Variants in CAMK2D observed in about 807,000 individuals in gnomAD.
The protein encoded by CAMK2D is calcium/calmodulin-dependent protein kinase type II subunit delta.
Under a neutral mutation model 84.0 loss-of-function variants are expected in CAMK2D, and 37 were observed. That is an observed-to-expected ratio of 0.44 (90% CI 0.34 to 0.58). The LOEUF is 0.58. Among genes scored for constraint, CAMK2D ranks in the 20% least tolerant of loss-of-function variants. The pLI, the probability that CAMK2D is intolerant of heterozygous loss-of-function variation, is 0.02. For synonymous variants in CAMK2D, 202 were observed against 212.5 expected (o/e 0.95, Z 0.43); for missense variants, 448 against 652.5 (o/e 0.69, Z 3.41).
chr4:113,469,593 T>TCTTC (rs939053554), intron 16 of CAMK2D, among the ~76,000 whole-genome samples: 2 of 152,196 alleles, frequency 1.3e-5, no homozygotes, highest in African/African-American at 4.8e-5. Context: ...CTTTCTAGAC[T>TCTTC]CTTCCTTCAG....
intron 3 of CAMK2D, among the ~76,000 whole-genome samples, chr4:113,626,170 T>C (rs1202079738): frequency 6.6e-6 from 1 of 152,120 alleles, no homozygotes; most frequent in Middle Eastern, 3.2e-3. Flanking sequence ...TAATGAATGA[T>C]GTCAATGTCC....
intron 4 of CAMK2D, among the ~76,000 whole-genome samples, chr4:113,594,590 A>G (rs974441030): frequency 6.6e-6 from 1 of 152,250 alleles, no homozygotes; most frequent in African/African-American, 2.4e-5. Context: ...AGAATCCAAT[A>G]GAAATGCTAG....
intron 17 of CAMK2D, among the ~76,000 whole-genome samples, chr4:113,462,296 C>G (rs6533689): frequency 0.17 from 17,135 of 100,708 alleles, 1,485 homozygotes; most frequent in East Asian, 0.35. Context: ...GTGTGTGTGT[C>G]TGTCTGTCTG....
intron 2 of CAMK2D, among the ~76,000 whole-genome samples, chr4:113,720,691 C>T (rs1166070818): frequency 3.4e-5 from 5 of 147,072 alleles, no homozygotes; most frequent in East Asian, 1.9e-4. Flanking sequence ...ATAATTTTAA[C>T]AATAGAAATC....
chr4:113,606,061 A>G (rs1005391134), intron 4 of CAMK2D, among the ~76,000 whole-genome samples: 2 of 152,214 alleles, frequency 1.3e-5, no homozygotes, highest in African/African-American at 4.8e-5. Context: ...AATGCTTCAG[A>G]GAGCACTTAT....
intron 4 of CAMK2D, among the ~76,000 whole-genome samples, chr4:113,603,773 T>TATATATATATA (rs2098964722): frequency 1.6e-5 from 2 of 127,994 alleles, no homozygotes; most frequent in African/African-American, 6.5e-5. Context: ...TCTTGCTATT[T>TATATATATATA]TATATATATA....
chr4:113,706,295 A>C (rs2099455033), intron 2 of CAMK2D, among the ~76,000 whole-genome samples: 1 of 152,166 alleles, frequency 6.6e-6, no homozygotes, highest in African/African-American at 2.4e-5. Flanking sequence ...TCAAATTATA[A>C]ATCTATAAAT....
intron 2 of CAMK2D, among the ~76,000 whole-genome samples, chr4:113,699,706 T>C (rs2099412563): frequency 6.6e-6 from 1 of 152,232 alleles, no homozygotes; most frequent in South Asian, 2.1e-4. Flanking sequence ...ACATACATTT[T>C]GAATGTTGAG....
At position 113,567,040 on chromosome 4, in the gene CAMK2D, T is replaced by TA. The variant is rs142523805; in HGVS notation, c.276-14945dup. Among the ~76,000 whole-genome samples the TA allele has an allele frequency of 5.5e-3, 838 of 151,758 alleles. 27 individuals are homozygous for TA. The East Asian group carries it at 0.11, about 20-fold the overall frequency. On this transcript the variant is annotated intron_variant, in intron 4 of 20. Coordinates refer to ENST00000511664, the MANE Select transcript of CAMK2D (RefSeq NM_001321571.2). ...ATAAACGTCTACTGACTGAATTACTTAAAAAAAATCAGATGCACTAACACT... is the reference window on the plus strand; with the variant it reads ...ATAAACGTCTACTGACTGAATTACTTAAAAAAAAATCAGATGCACTAACACT...
chr4:113,667,614 T>C (rs1231515168), intron 2 of CAMK2D, among the ~76,000 whole-genome samples: 1 of 152,168 alleles, frequency 6.6e-6, no homozygotes, highest in Non-Finnish European at 1.5e-5. Context: ...GTAGGTCACA[T>C]TTAAGAACAG....
chr4:113,523,437 AC>A (rs1465731891), intron 8 of CAMK2D, among the ~76,000 whole-genome samples: 1 of 152,112 alleles, frequency 6.6e-6, no homozygotes, highest in Non-Finnish European at 1.5e-5. Context: ...AAATTTAAAC[AC>A]ATGACATTAA....
In CAMK2D at chr4:113,663,816, TATAGAG is replaced by T. The variant is rs559274258; in HGVS notation, c.161-2050_161-2045del. ...ACAGTAAGTTCTACAGAGTTTTTGC[TATAGAG>T]ATAAACATAACTATAAAAAAATTAT... On this transcript the variant is annotated intron_variant, in intron 2 of 20. Transcript: ENST00000511664. 5.7e-3 allele frequency among the ~76,000 whole-genome samples: 873 copies of T among 152,076 alleles called. 16 individuals carry two copies. Among genetic ancestry groups the T allele is most frequent in the African/African-American group, 0.02 (827 of 41,508 alleles).
intron 2 of CAMK2D, among the ~76,000 whole-genome samples, chr4:113,668,199 G>A (rs1202848935): frequency 6.6e-6 from 1 of 152,078 alleles, no homozygotes; most frequent in Non-Finnish European, 1.5e-5. Flanking sequence ...ATCTACGGAG[G>A]AAAATGGAAT....
chr4:113,668,186 T>G (rs1478685383), intron 2 of CAMK2D, among the ~76,000 whole-genome samples: 5 of 152,172 alleles, frequency 3.3e-5, no homozygotes, highest in Non-Finnish European at 1.5e-5. Context: ...ATTCTGCAGT[T>G]TCATCTACGG....
chr4:113,746,081 A>G (rs2099603495), intron 2 of CAMK2D, among the ~76,000 whole-genome samples: 1 of 152,186 alleles, frequency 6.6e-6, no homozygotes, highest in Admixed American at 6.5e-5. Context: ...TAATTTTCCA[A>G]AGACTCATTT....
chr4:113,617,206 G>A (rs896252094), intron 3 of CAMK2D, among the ~76,000 whole-genome samples: 4 of 152,054 alleles, frequency 2.6e-5, no homozygotes, highest in African/African-American at 9.7e-5. Flanking sequence ...GGTGACTTAC[G>A]CCTGTAATCC....
chr4:113,726,859 AT>A (rs935461478), intron 2 of CAMK2D, among the ~76,000 whole-genome samples: 1 of 152,024 alleles, frequency 6.6e-6, no homozygotes, highest in African/African-American at 2.4e-5. Context: ...TTGGAAAACA[AT>A]TTTTTTTGAA....
At chr4:113,713,478 CATT>C (rs1371886204) in intron 2 of CAMK2D, among the ~76,000 whole-genome samples, 1 of 147,662 alleles carries the variant, frequency 6.8e-6, no homozygotes, top group African/African-American at 2.5e-5. Flanking sequence ...AATATAACAA[CATT>C]ATTATATATA....
chr4:113,505,857 A>C (rs577787845), intron 13 of CAMK2D, among the ~76,000 whole-genome samples: 1 of 152,324 alleles, frequency 6.6e-6, no homozygotes, highest in East Asian at 1.9e-4. Flanking sequence ...TCCACAGAGA[A>C]GACTCTTTGT....
Sources: allele counts gnomAD v4.1 joint callset (sites outside exome capture counted in the v4.1 genomes callset), GRCh38; gene constraint gnomAD v4.1.1; transcripts MANE v1.5; gene names NCBI Gene and HGNC (gene_info 2026-07-23, HGNC 2026-07-21).